The following CFAP299 variants were observed in gnomAD, a reference collection of about 807,000 sequenced individuals.
CFAP299 encodes cilia- and flagella-associated protein 299.
A neutral mutation model predicts 27.0 loss-of-function variants in CFAP299; 21 were observed. The observed-to-expected ratio is 0.78, with a 90% CI of 0.55 to 1.12. The LOEUF (loss-of-function observed/expected upper bound fraction) is 1.12, where lower values mean the gene tolerates loss of function less well. CFAP299 is among the 50% of genes most tolerant of loss of function. CFAP299 has a pLI of 0.00. For synonymous variants in CFAP299, 104 were observed against 98.1 expected (o/e 1.06, Z -0.36); for missense variants, 310 against 276.6 (o/e 1.12, Z -0.86).
chr4:80,677,382 G>T (rs1719530815), intron 3 of CFAP299, among the ~76,000 whole-genome samples: 1 of 151,948 alleles, frequency 6.6e-6, no homozygotes, highest in South Asian at 2.1e-4. Flanking sequence ...TCAGATGTGG[G>T]AAGTTTTTCA....
At chr4:80,616,952 C>A (rs1738322870) in intron 3 of CFAP299, among the ~76,000 whole-genome samples, 1 of 151,916 alleles carries the variant, frequency 6.6e-6, no homozygotes, top group Non-Finnish European at 1.5e-5. Flanking sequence ...TGGAAGAATA[C>A]CTCAACATAA....
intron 2 of CFAP299, among the ~76,000 whole-genome samples, chr4:80,485,092 G>A (rs1412540747): frequency 5.3e-5 from 8 of 151,996 alleles, no homozygotes. Flanking sequence ...AGTACGTGGA[G>A]ACAGCTAGGC....
chr4:80,387,022 G>A, intron 2 of CFAP299: 1 of 1,256,558 alleles, frequency 8.0e-7, no homozygotes, highest in South Asian at 1.2e-5. Context: ...TGACGCTGCA[G>A]GTAGCGTTCA....
chr4:80,730,248 C>CTCTCTCTCTG (rs1553953972), intron 3 of CFAP299, among the ~76,000 whole-genome samples: 2 of 130,802 alleles, frequency 1.5e-5, no homozygotes, highest in African/African-American at 6.1e-5. Context: ...CTCTCTCTCT[C>CTCTCTCTCTG]TGTGTGTGTG....
At chr4:80,643,565 A>G (rs932432685) in intron 3 of CFAP299, among the ~76,000 whole-genome samples, 3 of 152,194 alleles carry the variant, frequency 2.0e-5, no homozygotes, top group African/African-American at 7.2e-5. Flanking sequence ...CTAGAGTAAT[A>G]TCTTTGAGTA....
chr4:80,370,775 C>T (rs1845691), intron 2 of CFAP299, among the ~76,000 whole-genome samples: 10,190 of 152,334 alleles, frequency 0.067, 367 homozygotes, highest in Middle Eastern at 0.18. Context: ...ACCCCCACAG[C>T]TGCTCTCATG....
intron 3 of CFAP299, chr4:80,608,449 A>G: frequency 6.4e-6 from 6 of 935,600 alleles, no homozygotes; most frequent in South Asian, 1.5e-5. Context: ...CATCCTACAT[A>G]TATACTCCAC....
intron 3 of CFAP299, among the ~76,000 whole-genome samples, chr4:80,743,104 A>T (rs545655254): frequency 5.6e-4 from 85 of 152,264 alleles, no homozygotes; most frequent in African/African-American, 1.9e-3. Context: ...CAAAAGTTGT[A>T]CAAGTAGACC....
intron 4 of CFAP299, among the ~76,000 whole-genome samples, chr4:80,928,282 C>CA (rs1736402554): frequency 6.6e-6 from 1 of 152,064 alleles, no homozygotes. Context: ...AAAGAGTGGC[C>CA]AGTATCTCTC....
chr4:80,388,656 G>C, intron 2 of CFAP299: 1 of 1,220,084 alleles, frequency 8.2e-7, no homozygotes, highest in Non-Finnish European at 1.2e-6. Context: ...AGTAATGATG[G>C]GACAGCTAGA....
At chr4:80,659,306 G>A (rs9307732) in intron 3 of CFAP299, among the ~76,000 whole-genome samples, 141,562 of 151,952 alleles carry the variant, frequency 0.93, 66,021 homozygotes, top group East Asian at 1. Context: ...TAAGATGACT[G>A]TCAGAAATTC....
chr4:80,412,553 C>G (rs1726774997), intron 2 of CFAP299, among the ~76,000 whole-genome samples: 1 of 152,104 alleles, frequency 6.6e-6, no homozygotes, highest in Non-Finnish European at 1.5e-5. Flanking sequence ...GAGTATGGTG[C>G]TGTGGACCTT....
At chr4:80,660,117 C>T (rs904745713) in intron 3 of CFAP299, among the ~76,000 whole-genome samples, 3 of 152,042 alleles carry the variant, frequency 2.0e-5, no homozygotes, top group Non-Finnish European at 1.5e-5. Flanking sequence ...AATTATACTA[C>T]ATTTAATCAA....
intron 2 of CFAP299, among the ~76,000 whole-genome samples, chr4:80,576,253 G>C (rs903566807): frequency 4.7e-5 from 7 of 149,398 alleles, no homozygotes; most frequent in African/African-American, 1.7e-4. Context: ...TGACCCACTG[G>C]TCATTCAAGA....
intron 2 of CFAP299, among the ~76,000 whole-genome samples, chr4:80,524,118 A>G (rs1037639366): frequency 3.3e-5 from 5 of 152,156 alleles, no homozygotes; most frequent in African/African-American, 1.2e-4. Flanking sequence ...CAAACTTTAT[A>G]TAATACAGAA....
intron 2 of CFAP299, among the ~76,000 whole-genome samples, chr4:80,560,011 C>G (rs1451805367): frequency 1.3e-5 from 2 of 152,110 alleles, no homozygotes; most frequent in Non-Finnish European, 2.9e-5. Context: ...CAAGGGAGTG[C>G]TGGCAACATC....
intron 4 of CFAP299, among the ~76,000 whole-genome samples, chr4:80,897,964 G>T (rs1254764755): frequency 1.3e-5 from 2 of 152,158 alleles, no homozygotes; most frequent in African/African-American, 2.4e-5. Flanking sequence ...GTGAGTCGGT[G>T]CAGGAGCCAG....
intron 4 of CFAP299, among the ~76,000 whole-genome samples, chr4:80,916,402 C>G (rs1735770758): frequency 6.6e-6 from 1 of 150,444 alleles, no homozygotes; most frequent in Non-Finnish European, 1.5e-5. Context: ...CTTCTGTATT[C>G]CTTTGAAGAA....
intron 3 of CFAP299, among the ~76,000 whole-genome samples, chr4:80,642,072 C>G (rs1227029725): frequency 6.6e-6 from 1 of 152,158 alleles, no homozygotes; most frequent in African/African-American, 2.4e-5. Flanking sequence ...GCCTTAAAGG[C>G]CAGTCTGAGG....
Sources: allele counts gnomAD v4.1 joint callset (sites outside exome capture counted in the v4.1 genomes callset), GRCh38; gene constraint gnomAD v4.1.1; transcripts MANE v1.5; gene names NCBI Gene and HGNC (gene_info 2026-07-23, HGNC 2026-07-21).